IRAK1: variants seen among roughly 807,000 people sequenced by gnomAD.
The protein encoded by IRAK1 is interleukin 1 receptor associated kinase 1, also known as interleukin-1 receptor-associated kinase 1.
In IRAK1, 9 loss-of-function variants were observed where a neutral mutation model predicts 49.8. The observed-to-expected ratio is 0.18, with a 90% CI of 0.11 to 0.32. The LOEUF (loss-of-function observed/expected upper bound fraction) is 0.32. IRAK1 is among the 10% of genes least tolerant of loss of function. The pLI, the probability that IRAK1 is intolerant of heterozygous loss-of-function variation, is 1.00. For synonymous variants in IRAK1, 282 were observed against 270.8 expected (o/e 1.04, Z -0.41); for missense variants, 418 against 600.5 (o/e 0.70, Z 3.18).
chrX:154,012,947 C>T, intron 12 of IRAK1, 96 bp downstream of exon 12: 3 of 1,073,685 alleles, frequency 2.8e-6, no homozygotes, highest in African/African-American at 1.9e-5. Context: ...AACATTTGGC[C>T]CTGGTTCTCT....
Position 154,018,368 on chromosome X carries a change from G to A in IRAK1, c.730-13C>T. 8.7e-7 allele frequency: 1 copy of A among 1,149,462 alleles called. No homozygotes were observed. Among genetic ancestry groups the A allele is most frequent in the Non-Finnish European group, 1.2e-6 (1 of 853,680 alleles). 94.7% of individuals were successfully genotyped at this position (1,149,462 alleles called of 1,213,427 possible). On this transcript the variant is annotated splice_polypyrimidine_tract_variant and intron_variant, in intron 5 of 13. Coordinates refer to ENST00000369980, the MANE Select transcript of IRAK1 (RefSeq NM_001569.4). Reference sequence around the variant, plus strand: ...CCAGGTCAGCGTTCTGCAGCCCCCAGGGTGCGGTGGGGGAAGGGGCAGGGA... The same window carrying A: ...CCAGGTCAGCGTTCTGCAGCCCCCAAGGTGCGGTGGGGGAAGGGGCAGGGA...
rs2065761985 is a variant in IRAK1 at position 154,019,066 on chromosome X, G to C, written c.449C>G (p.Ser150Cys). Residue 150 changes from serine (S) to cysteine (C), a missense_variant, in exon 4 of 14, where the codon TCC becomes TGC. Transcript: ENST00000369980. ...GAGCTCAGGCCCTGAATGGGTCTGG[G>C]AGCCTGGAAAAGCTTCATAAAGACA... Reference protein sequence around the residue: ...STFLSPAFPGSQTHSGPELGL... With the variant: ...STFLSPAFPGCQTHSGPELGL... The C allele has an allele frequency of 5.0e-6, 6 of 1,210,480 alleles. No homozygotes were observed. The highest frequency in any genetic ancestry group is 6.7e-6 in the Non-Finnish European group (6 of 894,290).
chrX:154,019,650 G>GC (rs1557130934), intron 1 of IRAK1, 27 bp downstream of exon 1: 4 of 958,511 alleles, frequency 4.2e-6, no homozygotes, highest in South Asian at 4.5e-5. Context: ...CGCGCCTCCC[G>GC]CCCCCCGGCA....
In IRAK1 at chrX:154,011,470, G is replaced by A. The variant is rs2065697505; in HGVS notation, c.*389C>T. 3.5e-6 allele frequency: 1 copy of A among 285,279 alleles called. No homozygotes were observed. The highest frequency in any genetic ancestry group is 5.0e-5 in the Admixed American group (1 of 20,175). 23.5% of individuals were successfully genotyped at this position (285,279 alleles called of 1,213,427 possible). ...GTGCAGGGTGGCCACTGTCCAAAGA[G>A]ATGGGCAAAGAGCTGCTGCCAGAGG... On this transcript the variant is annotated 3_prime_UTR_variant, in exon 14 of 14. Transcript: ENST00000369980.
At position 154,013,077 on chromosome X, in the gene IRAK1, C is replaced by T. The variant is rs192366956; in HGVS notation, c.1896G>A (p.Gly632=). ...CTGTGGGCCGGGATCCTGGGCCACT[C>T]CCCCAGCTCGATTCTCCTGCCGTGT... is the stretch of plus-strand genomic sequence containing the variant. ...QGDTAGESSW[G]SGPGSRPTAV... is the part of the protein sequence containing the mutation. Residue 632 remains glycine (G), a synonymous_variant, in exon 12 of 14, where the codon GGG becomes GGA. Coordinates refer to ENST00000369980, the MANE Select transcript of IRAK1 (RefSeq NM_001569.4). 158 of 1,209,041 alleles carry T rather than the reference C, an allele frequency of 1.3e-4. 1 individual carries two copies. Among genetic ancestry groups the T allele is most frequent in the South Asian group, 1.1e-4 (6 of 56,840 alleles).
In IRAK1 at chrX:154,019,236, G is replaced by C. The variant is rs1303739665; in HGVS notation, c.397C>G (p.Arg133Gly). The change falls in exon 3 of 14, where the codon CGG becomes GGG. Residue 133 changes from arginine (R) to glycine (G), a missense_variant. This residue lies in a region of IRAK1 where 377 missense variants were observed against 499.5 expected (regional missense o/e 0.75). Transcript: ENST00000369980. ...APAEAEAWSP[R>G]KLPSSASTFL... ...GTGGAGGCTGAGGATGGCAACTTCC[G>C]GGGGCTCCAGGCCTCGGCCTCGGCG... 7 of 1,206,783 alleles carry C rather than the reference G, an allele frequency of 5.8e-6. No homozygotes were observed. Among genetic ancestry groups the C allele is most frequent in the Admixed American group, 2.2e-5 (1 of 45,692 alleles).
intron 11 of IRAK1, 46 bp downstream of exon 11, chrX:154,013,996 G>A: frequency 1.7e-6 from 2 of 1,181,021 alleles, no homozygotes; most frequent in Non-Finnish European, 2.3e-6. Flanking sequence ...GGCCTGGAAT[G>A]CGGGCTTTCT....
intron 11 of IRAK1, among the ~76,000 whole-genome samples, chrX:154,013,656 C>CTTT (rs1254376311): frequency 8.8e-6 from 1 of 113,131 alleles, no homozygotes; most frequent in East Asian, 2.8e-4. Context: ...TGGCCTCGTT[C>CTTT]TTTTCTACAA....
chrX:154,017,026 G>T lies in IRAK1; in HGVS notation c.951C>A (p.Asp317Glu), dbSNP rs1603304454. The change falls in exon 8 of 14, where the codon GAC (aspartate) becomes GAA (glutamate). Residue 317 changes from aspartate to glutamate, a missense_variant. Physicochemically the swap from Asp to Glu is conservative, Grantham distance 45 (BLOSUM62 2). This residue lies in a region of IRAK1 where 377 missense variants were observed against 499.5 expected (regional missense o/e 0.75). Coordinates refer to ENST00000369980, the MANE Select transcript of IRAK1 (RefSeq NM_001569.4). ...CPPLSWPQRLDILLGTARAIQ... is the reference protein window; with the variant it reads ...CPPLSWPQRLEILLGTARAIQ... ...TTGCCCGGGCTGTACCCAGAAGGAT[G>T]TCCAGTCGCTGAGGCCAGGAGAGAG... is the stretch of plus-strand genomic sequence containing the variant. The T allele has an allele frequency of 1.7e-6, 2 of 1,210,705 alleles. No homozygotes were observed. The highest frequency in any genetic ancestry group is 5.9e-5 in the East Asian group (2 of 33,837).
At chrX:154,017,555 G>A (rs2065747751) in intron 7 of IRAK1, among the ~76,000 whole-genome samples, 1 of 111,776 alleles carries the variant, frequency 8.9e-6, no homozygotes, top group Non-Finnish European at 1.9e-5. Context: ...CAGCACTTTG[G>A]GAGGCTGAGG....
intron 10 of IRAK1, among the ~76,000 whole-genome samples, chrX:154,015,066 C>A (rs2065729145): frequency 8.9e-6 from 1 of 112,238 alleles, no homozygotes; most frequent in Non-Finnish European, 1.9e-5. Flanking sequence ...CCAGGAGGAA[C>A]CACCTGGGTG....
At chrX:154,013,576 G>A (rs2065717341) in intron 11 of IRAK1, 143 bp from the exon 12 acceptor site, 6 of 543,562 alleles carry the variant, frequency 1.1e-5, no homozygotes, top group Non-Finnish European at 1.7e-5. Context: ...GGAACGCTCT[G>A]CCCCTCGCCC....
chrX:154,016,506 G>A lies in IRAK1; in HGVS notation c.1167C>T (p.Ala389=). The change falls in exon 9 of 14, where the codon GCC becomes GCT. Residue 389 remains alanine, a synonymous_variant. Transcript: ENST00000369980. The stretch of plus-strand genomic sequence containing the variant: ...TCTTGATGTACTCCTCGGGCAGGTA[G>A]GCCAGGGTGCCCCGCACTGTCTGTG... The part of the protein sequence containing the change: ...ARTQTVRGTL[A]YLPEEYIKTG... The A allele has an allele frequency of 8.3e-7, 1 of 1,211,898 alleles. No individual in the cohort carries two copies. The highest frequency in any genetic ancestry group is 1.8e-5 in the South Asian group (1 of 57,065).
At chrX:154,012,341 G>A (rs1209923288) in intron 13 of IRAK1, among the ~76,000 whole-genome samples, 188 bp downstream of exon 13, 2 of 112,970 alleles carry the variant, frequency 1.8e-5, no homozygotes, top group African/African-American at 3.2e-5. Context: ...GTCAGGAGGC[G>A]AGGGAAGGAG....
At position 154,010,989 on chromosome X, in the gene IRAK1, G is replaced by A. The variant is rs1557127258; in HGVS notation, c.*870C>T. The A allele has an allele frequency of 5.9e-6, 2 of 341,278 alleles. No homozygotes were observed. The highest frequency in any genetic ancestry group is 1.2e-5 in the Non-Finnish European group (2 of 170,024). The allele number at this position is 341,278 out of a possible 1,213,427, so 28.1% of individuals were successfully genotyped here. A position where few individuals can be genotyped will look rare whatever the true frequency, so the allele number is the denominator to read the frequency against. On this transcript the variant is annotated 3_prime_UTR_variant, in exon 14 of 14. Coordinates refer to ENST00000369980, the MANE Select transcript of IRAK1 (RefSeq NM_001569.4). ...TAAAGCCTGAAGACACTGGCCCGAG[G>A]TTGGAGGTGGGTGCTGCTCGACTTT...
chrX:154,018,240 G>A (rs1557130022), intron 6 of IRAK1, 51 bp downstream of exon 6: 2 of 1,078,755 alleles, frequency 1.9e-6, no homozygotes, highest in Non-Finnish European at 2.5e-6. Context: ...GTCCTGTGGT[G>A]TGCGGTCTGA....
rs140000500 is a variant in IRAK1, at chrX:154,012,657, G to A, written c.1952C>T (p.Ala651Val). The A allele has an allele frequency of 3.2e-5, 39 of 1,210,175 alleles. No individual in the cohort carries two copies. The highest frequency in any genetic ancestry group is 4.2e-5 in the Non-Finnish European group (38 of 894,775). Residue 651 changes from alanine to valine, a missense_variant, in exon 13 of 14, where the codon GCA becomes GTA. Physicochemically the swap from Ala to Val is moderately conservative, Grantham distance 64 (BLOSUM62 0). Around this residue, in one of 3 missense-constraint regions of IRAK1, gnomAD observed 377 missense variants for 499.5 expected, o/e 0.75. Transcript: ENST00000369980. The part of the protein sequence containing the change: ...AVEGLALGSS[A>V]SSSSEPPQII... ...CTGCGGTGGCTCTGACGACGATGAT[G>A]CAGAGCTGCCAAGGGCCAGTCCTGG...
chrX:154,011,551 C>A lies in IRAK1; in HGVS notation c.*308G>T, dbSNP rs1222152810. The A allele has an allele frequency of 1.3e-5, 5 of 379,684 alleles. No individual in the cohort carries two copies. Among genetic ancestry groups the A allele is most frequent in the African/African-American group, 7.5e-5 (3 of 39,791 alleles). 31.3% of individuals were successfully genotyped at this position (379,684 alleles called of 1,213,427 possible). A position where few individuals can be genotyped will look rare whatever the true frequency, so the allele number is the denominator to read the frequency against. On this transcript the variant is annotated 3_prime_UTR_variant, in exon 14 of 14. Transcript: ENST00000369980. ...AGGGGAGCCAGCTCCCTACTCCACA[C>A]CCCTGCACAGCAGCCCCTCTCCTCC... is the stretch of plus-strand genomic sequence containing the variant.
chrX:154,011,009 G>A lies in IRAK1; in HGVS notation c.*850C>T, dbSNP rs200529662. On this transcript the variant is annotated 3_prime_UTR_variant, in exon 14 of 14. Coordinates refer to ENST00000369980, the MANE Select transcript of IRAK1 (RefSeq NM_001569.4). ...CCGAGGTTGGAGGTGGGTGCTGCTC[G>A]ACTTTCTGGAGGATCTCAGAATTCT... is the stretch of plus-strand genomic sequence containing the variant. The A allele has an allele frequency of 1.8e-5, 6 of 341,270 alleles. No individual in the cohort carries two copies. Among genetic ancestry groups the A allele is most frequent in the African/African-American group, 7.9e-5 (3 of 37,824 alleles). The allele number at this position is 341,270 out of a possible 1,213,427, so 28.1% of individuals were successfully genotyped here.
Sources: allele counts gnomAD v4.1 joint callset (sites outside exome capture counted in the v4.1 genomes callset), GRCh38; gene constraint gnomAD v4.1.1; regional missense constraint gnomAD v4.1.1; transcripts MANE v1.5; gene names NCBI Gene and HGNC (gene_info 2026-07-23, HGNC 2026-07-21).